The following SUCLG2 variants were observed in gnomAD, a reference collection of about 807,000 sequenced individuals.
The protein encoded by SUCLG2 is succinate-CoA ligase GDP-forming subunit beta.
SUCLG2 carries 42 observed loss-of-function variants against 47.9 expected under a neutral mutation model. That is an observed-to-expected ratio of 0.88 (90% CI 0.69 to 1.14). The LOEUF (loss-of-function observed/expected upper bound fraction) is 1.14. Ranked by LOEUF, SUCLG2 falls within the 50% of genes most tolerant of loss-of-function variation. The probability of loss-of-function intolerance (pLI) is 0.00; values close to 1 mark genes in which losing one functional copy is unlikely to be tolerated. For missense variants in SUCLG2, 571 were observed against 525.9 expected (o/e 1.09, Z -0.84); for synonymous variants, 195 against 197.3 (o/e 0.99, Z 0.10).
At chr3:67,519,586 T>C (rs1296854925) in intron 5 of SUCLG2, among the ~76,000 whole-genome samples, 1 of 152,116 alleles carries the variant, frequency 6.6e-6, no homozygotes, top group Non-Finnish European at 1.5e-5. Flanking sequence ...GGATGCTAAG[T>C]GGGTGTTTAT....
At chr3:67,592,684 T>C (rs191973500) in intron 2 of SUCLG2, among the ~76,000 whole-genome samples, 5 of 127,382 alleles carry the variant, frequency 3.9e-5, no homozygotes, top group Admixed American at 1.9e-4. Context: ...ATTGGTAATA[T>C]CTAATCGTAA....
chr3:67,496,885 A>G (rs1705357038), intron 8 of SUCLG2, among the ~76,000 whole-genome samples: 1 of 152,152 alleles, frequency 6.6e-6, no homozygotes, highest in Non-Finnish European at 1.5e-5. Context: ...AGAAAAGCCT[A>G]TGACTGTGAC....
intron 1 of SUCLG2, among the ~76,000 whole-genome samples, chr3:67,617,379 T>A (rs572330841): frequency 6.6e-6 from 1 of 152,090 alleles, no homozygotes; most frequent in Admixed American, 6.5e-5. Context: ...AAAGTAATCA[T>A]CGGGATTAGA....
At chr3:67,372,130 C>A (rs537466325), downstream of SUCLG2, among the ~76,000 whole-genome samples, 1 of 152,226 alleles carries the variant, frequency 6.6e-6, no homozygotes. Context: ...AATTCAGTTC[C>A]CAGGATGCTC....
chr3:67,408,953 G>C, intron 9 of SUCLG2: 1 of 1,534,396 alleles, frequency 6.5e-7, no homozygotes. Context: ...GCTCCATATT[G>C]GTCCTATTTC....
chr3:67,474,987 T>C (rs1704710398), intron 9 of SUCLG2, among the ~76,000 whole-genome samples: 1 of 130,746 alleles, frequency 7.6e-6, no homozygotes, highest in South Asian at 2.5e-4. Flanking sequence ...CCAACCCTTA[T>C]TTCCTTTCCT....
chr3:67,432,615 T>C (rs1703516100), intron 9 of SUCLG2, among the ~76,000 whole-genome samples: 1 of 152,202 alleles, frequency 6.6e-6, no homozygotes, highest in African/African-American at 2.4e-5. Context: ...TCATTTAAGA[T>C]TCTTCTTGTG....
intron 9 of SUCLG2, among the ~76,000 whole-genome samples, chr3:67,442,703 AC>A (rs1224144054): frequency 1.3e-5 from 2 of 152,204 alleles, no homozygotes; most frequent in Non-Finnish European, 1.5e-5. Context: ...TCCTACAGAG[AC>A]TTTGTGGTGA....
At chr3:67,552,471 A>C (rs1208172768) in intron 2 of SUCLG2, among the ~76,000 whole-genome samples, 1 of 152,262 alleles carries the variant, frequency 6.6e-6, no homozygotes, top group African/African-American at 2.4e-5. Context: ...CAAAAGTCAG[A>C]GAGCAATTCT....
At chr3:67,576,799 A>T (rs1214174825) in intron 2 of SUCLG2, among the ~76,000 whole-genome samples, 1 of 152,262 alleles carries the variant, frequency 6.6e-6, no homozygotes, top group African/African-American at 2.4e-5. Flanking sequence ...TAAGTTGAGA[A>T]GACAGAAAAT....
intron 8 of SUCLG2, among the ~76,000 whole-genome samples, chr3:67,497,586 A>C (rs1317442195): frequency 1.3e-5 from 2 of 152,152 alleles, no homozygotes; most frequent in Non-Finnish European, 2.9e-5. Context: ...AACGTGATTA[A>C]AGTGTATGTC....
intron 2 of SUCLG2, among the ~76,000 whole-genome samples, chr3:67,587,482 C>G (rs1351105366): frequency 6.6e-6 from 1 of 152,204 alleles, no homozygotes. Context: ...TTCAGTGAAA[C>G]CTTAAAAGTG....
intron 9 of SUCLG2, among the ~76,000 whole-genome samples, chr3:67,450,338 G>T (rs115915574): frequency 1.8e-3 from 273 of 152,276 alleles, no homozygotes; most frequent in African/African-American, 6.0e-3. Context: ...TACCAAACCT[G>T]GGAAAATGTA....
At chr3:67,469,381 C>T (rs1234253587) in intron 9 of SUCLG2, among the ~76,000 whole-genome samples, 1 of 152,164 alleles carries the variant, frequency 6.6e-6, no homozygotes, top group Non-Finnish European at 1.5e-5. Context: ...GGAAACTCAA[C>T]CTTTACCCTA....
chr3:67,361,581 G>A (rs1267983822), intron 10 of SUCLG2, among the ~76,000 whole-genome samples: 1 of 152,178 alleles, frequency 6.6e-6, no homozygotes, highest in Non-Finnish European at 1.5e-5. Context: ...ATGGGCCATT[G>A]TGTGAGCCTT....
At chr3:67,400,898 C>T (rs1485897170) in intron 9 of SUCLG2, 47 bp from the exon 10 acceptor site, 1 of 1,608,298 alleles carries the variant, frequency 6.2e-7, no homozygotes, top group Non-Finnish European at 8.5e-7. Context: ...TGATCGCCAA[C>T]AGTCTCAAAA....
At chr3:67,485,134 C>T (rs1417701793) in intron 9 of SUCLG2, among the ~76,000 whole-genome samples, 1 of 152,158 alleles carries the variant, frequency 6.6e-6, no homozygotes, top group Non-Finnish European at 1.5e-5. Flanking sequence ...ATCCCAGCAA[C>T]TTAGAGGGAC....
chr3:67,590,297 T>G (rs1708126448), intron 2 of SUCLG2, among the ~76,000 whole-genome samples: 1 of 152,244 alleles, frequency 6.6e-6, no homozygotes, highest in Non-Finnish European at 1.5e-5. Context: ...ATGATGATAA[T>G]TTCCATCACC....
intron 9 of SUCLG2, among the ~76,000 whole-genome samples, chr3:67,438,339 A>T (rs1465277870): frequency 6.6e-6 from 1 of 152,184 alleles, no homozygotes; most frequent in South Asian, 2.1e-4. Flanking sequence ...GCAAGAGCAA[A>T]CAAATTCAAA....
Sources: allele counts gnomAD v4.1 joint callset (sites outside exome capture counted in the v4.1 genomes callset), GRCh38; gene constraint gnomAD v4.1.1; transcripts MANE v1.5; gene names NCBI Gene and HGNC (gene_info 2026-07-23, HGNC 2026-07-21).